The following HERC1 variants were observed in gnomAD, a reference collection of about 807,000 sequenced individuals.
HERC1 encodes probable E3 ubiquitin-protein ligase HERC1.
A neutral mutation model predicts 554.3 loss-of-function variants in HERC1; 160 were observed. The observed-to-expected ratio is 0.29, with a 90% CI of 0.25 to 0.33. The LOEUF (loss-of-function observed/expected upper bound fraction) is 0.33, where lower values mean the gene tolerates loss of function less well. Among genes scored for constraint, HERC1 ranks in the 10% least tolerant of loss-of-function variants. HERC1 has a pLI of 1.00. For synonymous variants in HERC1, 2,175 were observed against 2,131.7 expected, an observed-to-expected ratio of 1.02 and a Z score of -0.56; for missense variants, 4,919 against 5,918.5, an observed-to-expected ratio of 0.83 and a Z score of 5.54.
At chr15:63,755,724 T>G (rs188866233) in intron 5 of HERC1, among the ~76,000 whole-genome samples, 165 of 152,164 alleles carry the variant, frequency 1.1e-3, no homozygotes, top group Non-Finnish European at 1.9e-3. Context: ...AAAGATGCAG[T>G]GGGCTGAGAT....
Position 63,608,926 on chromosome 15 carries a change from C to A in HERC1, c.*155G>T. 1.8e-6 allele frequency: 1 copy of A among 557,468 alleles called. No homozygotes were observed. The highest frequency in any genetic ancestry group is 2.8e-6 in the Non-Finnish European group (1 of 352,790). 34.5% of individuals were successfully genotyped at this position (557,468 alleles called of 1,614,324 possible). A position where few individuals can be genotyped will look rare whatever the true frequency, so the allele number is the denominator to read the frequency against. On this transcript the variant is annotated 3_prime_UTR_variant, in exon 78 of 78. Transcript: ENST00000443617. ...ACAGAAAAATAAAAACATCTAATTTCTTTGTTACATTTAGAGTAACTAAAT... is the reference window on the plus strand; with the variant it reads ...ACAGAAAAATAAAAACATCTAATTTATTTGTTACATTTAGAGTAACTAAAT...
intron 1 of HERC1, 34 bp downstream of exon 1, chr15:63,833,793 G>GCACACACACAC (rs1567176634): frequency 6.8e-6 from 1 of 146,234 alleles, no homozygotes; most frequent in African/African-American, 2.6e-5. Flanking sequence ...ACACACACAG[G>GCACACACACAC]ACCAGGAGGA....
chr15:63,656,269 G>C lies in HERC1; in HGVS notation c.9689C>G (p.Ala3230Gly), dbSNP rs1490689252. The C allele has an allele frequency of 3.1e-6, 5 of 1,613,794 alleles. No homozygotes were observed. The highest frequency in any genetic ancestry group is 4.2e-6 in the Non-Finnish European group (5 of 1,179,848). Residue 3230 changes from alanine (A) to glycine (G), a missense_variant, in exon 49 of 78, where the codon GCA (alanine) becomes GGA (glycine). Coordinates refer to ENST00000443617, the MANE Select transcript of HERC1 (RefSeq NM_003922.4). ...GCTGGTGGAGAGGCCAGCTCTCCCT[G>C]CTGCTGCCAAGCACATTAATCGAAC... ...TLVRLMCLAA[A>G]GRAGLSTSPS...
Position 63,746,924 on chromosome 15 carries a change from G to T in HERC1, c.2514C>A (p.Ile838=), listed in dbSNP as rs1328812567. 1 of 1,551,886 alleles carries T rather than the reference G, an allele frequency of 6.4e-7. No individual in the cohort carries two copies. Among genetic ancestry groups the T allele is most frequent in the Admixed American group, 2.0e-5 (1 of 50,998 alleles). The change falls in exon 12 of 78, where the codon ATC becomes ATA. Residue 838 remains isoleucine (I), a synonymous_variant. Coordinates refer to ENST00000443617, the MANE Select transcript of HERC1 (RefSeq NM_003922.4). Reference sequence around the variant, plus strand: ...ACAAGTCCTATTCTCTTACCTCTTGGATTTCATCTGGGACAGTTGAGTCCA... The same window carrying T: ...ACAAGTCCTATTCTCTTACCTCTTGTATTTCATCTGGGACAGTTGAGTCCA... ...RLMDSTVPDE[I]QEVVIETLSV... is the part of the protein sequence containing the mutation.
At chr15:63,729,145 C>A (rs1596085242) in intron 16 of HERC1, 91 bp downstream of exon 16, 7 of 1,166,274 alleles carry the variant, frequency 6.0e-6, no homozygotes, top group Non-Finnish European at 8.4e-6. Flanking sequence ...ATTCCTATTC[C>A]AGAGGCTTCT....
rs201351066 is a variant in HERC1, at chr15:63,733,005, G to A, written c.2787C>T (p.Tyr929=). 43 of 1,613,910 alleles carry A rather than the reference G, an allele frequency of 2.7e-5. No homozygotes were observed. In the Middle Eastern group the frequency reaches 8.2e-4, roughly 31 times the overall value. ...TGYGNLSDQP[Y]GTQSCHPDTH... is the part of the protein sequence containing the mutation. ...TATCTGGATGGCAGCTCTGAGTGCC[G>A]TAAGGTTGATCTGACAGATTTCCGT... The change falls in exon 14 of 78, where the codon TAC becomes TAT. Residue 929 remains tyrosine, a synonymous_variant. Transcript: ENST00000443617.
rs772520925 is a variant in HERC1 at position 63,674,874 on chromosome 15, T to C, written c.7314A>G (p.Leu2438=). 22 of 1,613,838 alleles carry C rather than the reference T, an allele frequency of 1.4e-5. No homozygotes were observed. The highest frequency in any genetic ancestry group is 1.9e-5 in the Non-Finnish European group (22 of 1,179,828). The change falls in exon 38 of 78, where the codon TTA becomes TTG. Residue 2438 remains leucine, a synonymous_variant. Transcript: ENST00000443617. ...VEQKPESESA[L]DMRTGLTSDD... ...CAGATGTTAGGCCTGTTCGCATATCTAAAGCGGATTCACTCTCAGGTTTCT... is the reference window on the plus strand; with the variant it reads ...CAGATGTTAGGCCTGTTCGCATATCCAAAGCGGATTCACTCTCAGGTTTCT...
chr15:63,642,491 C>T (rs935780992), intron 59 of HERC1, among the ~76,000 whole-genome samples: 1 of 152,124 alleles, frequency 6.6e-6, no homozygotes, highest in Non-Finnish European at 1.5e-5. Flanking sequence ...GCATGTGCCA[C>T]CACGCCTGGC....
chr15:63,630,297 G>A lies in HERC1; in HGVS notation c.12966+169C>T, dbSNP rs115985909. Among the ~76,000 whole-genome samples the A allele has an allele frequency of 2.3e-3, 357 of 152,266 alleles. 4 individuals carry two copies. Among genetic ancestry groups the A allele is most frequent in the African/African-American group, 8.5e-3 (351 of 41,530 alleles). On this transcript the variant is annotated intron_variant, in intron 69 of 77. Transcript: ENST00000443617. ...GTATAATACTTCTTTGGCCGCAGTCGAGAGAGAAAGACATAACTAGACTTA... is the reference window on the plus strand; with the variant it reads ...GTATAATACTTCTTTGGCCGCAGTCAAGAGAGAAAGACATAACTAGACTTA...
rs891706897 is a variant in HERC1, at chr15:63,713,128, T to C, written c.4463+225A>G. On this transcript the variant is annotated intron_variant, in intron 23 of 77. Coordinates refer to ENST00000443617, the MANE Select transcript of HERC1 (RefSeq NM_003922.4). Reference sequence around the variant, plus strand: ...CATGCTTTTTCACTGCTGTTGTTTATATATACGAAAAATTGTGCCTCCTCA... The same window carrying C: ...CATGCTTTTTCACTGCTGTTGTTTACATATACGAAAAATTGTGCCTCCTCA... 2.0e-5 allele frequency among the ~76,000 whole-genome samples: 3 copies of C among 152,382 alleles called. No individual in the cohort carries two copies. In the East Asian group the frequency reaches 5.8e-4, roughly 29 times the overall value.
chr15:63,674,360 C>T lies in HERC1; in HGVS notation c.7828G>A (p.Gly2610Arg). The T allele has an allele frequency of 6.2e-7, 1 of 1,604,686 alleles. No individual in the cohort carries two copies. Among genetic ancestry groups the T allele is most frequent in the Non-Finnish European group, 8.5e-7 (1 of 1,174,342 alleles). ...AACATACCTTGCTTAATTTTGCCCC[C>T]AAACTGGTCTTCCAAAAGCCCATGA... ...VVHGLLEDQF[G>R]GKIKQEIDQQ... The change falls in exon 38 of 78, where the codon GGG becomes AGG. Residue 2610 changes from glycine to arginine, a missense_variant. By Grantham distance (125) the Gly-to-Arg change is moderately radical (BLOSUM62 -2). Around this residue, in one of 11 missense-constraint regions of HERC1, gnomAD observed 1,963 missense variants for 2,228.6 expected, o/e 0.88. Transcript: ENST00000443617.
intron 61 of HERC1, 122 bp downstream of exon 61, chr15:63,640,030 T>C (rs2068967134): frequency 1.1e-6 from 1 of 938,370 alleles, no homozygotes; most frequent in Non-Finnish European, 1.6e-6. Flanking sequence ...ATATTTTCCA[T>C]TTCTCTTAAG....
intron 1 of HERC1, among the ~76,000 whole-genome samples, chr15:63,820,752 A>T (rs2077662662): frequency 6.6e-6 from 1 of 152,154 alleles, no homozygotes; most frequent in African/African-American, 2.4e-5. Flanking sequence ...TCCTGTGCTC[A>T]AGCAGTTCTC....
intron 18 of HERC1, among the ~76,000 whole-genome samples, chr15:63,724,861 G>C (rs1831523799): frequency 1.3e-5 from 2 of 152,164 alleles, no homozygotes; most frequent in African/African-American, 2.4e-5. Context: ...ATAATATAAT[G>C]TCAGCATGAA....
intron 24 of HERC1, 91 bp downstream of exon 24, chr15:63,712,684 A>C (rs551693346): frequency 1.1e-4 from 132 of 1,206,654 alleles, no homozygotes; most frequent in Admixed American, 1.6e-4. Context: ...TATATGTCTA[A>C]AACAAACATA....
At chr15:63,809,571 T>C (rs1217615844) in intron 1 of HERC1, among the ~76,000 whole-genome samples, 1 of 152,048 alleles carries the variant, frequency 6.6e-6, no homozygotes, top group Non-Finnish European at 1.5e-5. Flanking sequence ...AACAGACCAA[T>C]CCTGGGCCAC....
At chr15:63,617,850 G>A (rs180834092) in intron 74 of HERC1, among the ~76,000 whole-genome samples, 363 of 152,120 alleles carry the variant, frequency 2.4e-3, no homozygotes, top group Non-Finnish European at 4.1e-3. Context: ...ACTTTTTGAT[G>A]GGGTTGTTTT....
intron 1 of HERC1, among the ~76,000 whole-genome samples, chr15:63,805,926 G>C (rs1362622354): frequency 7.1e-6 from 1 of 141,706 alleles, no homozygotes; most frequent in African/African-American, 2.7e-5. Flanking sequence ...CTGGGAAACA[G>C]AGCAAGACCC....
chr15:63,815,343 C>G (rs2077458842), intron 1 of HERC1, among the ~76,000 whole-genome samples: 1 of 152,204 alleles, frequency 6.6e-6, no homozygotes, highest in African/African-American at 2.4e-5. Context: ...AGGTTTAGAT[C>G]CTGGCTTTGC....
Sources: gnomAD v4.1 joint callset for allele counts (sites outside exome capture counted in the v4.1 genomes callset) on GRCh38, gnomAD v4.1.1 for gene constraint, gnomAD v4.1.1 regional missense constraint, MANE v1.5 for transcripts, NCBI Gene and HGNC (gene_info 2026-07-23, HGNC 2026-07-21) for gene names.